PCDH9: variants seen among roughly 807,000 people sequenced by gnomAD.
The protein encoded by PCDH9 is protocadherin 9.
Under a neutral mutation model 70.6 loss-of-function variants are expected in PCDH9, and 24 were observed. The observed-to-expected ratio is 0.34, with a 90% CI of 0.25 to 0.48. PCDH9 has a LOEUF of 0.48. Among genes scored for constraint, PCDH9 ranks in the 20% least tolerant of loss-of-function variants. The probability of loss-of-function intolerance (pLI) is 0.99; values close to 1 mark genes in which losing one functional copy is unlikely to be tolerated. For synonymous variants in PCDH9, 562 were observed against 558.5 expected, an observed-to-expected ratio of 1.01 and a Z score of -0.09; for missense variants, 1,281 against 1,503.6, an observed-to-expected ratio of 0.85 and a Z score of 2.45.
chr13:66,979,744 C>A (rs1304189061), intron 2 of PCDH9, among the ~76,000 whole-genome samples: 2 of 152,110 alleles, frequency 1.3e-5, no homozygotes, highest in African/African-American at 2.4e-5. Flanking sequence ...CTAAGACCAC[C>A]AATAACCTCT....
chr13:66,816,580 CAGG>C (rs1214963578), intron 3 of PCDH9, among the ~76,000 whole-genome samples: 1 of 152,260 alleles, frequency 6.6e-6, no homozygotes, highest in East Asian at 1.9e-4. Context: ...CTGAAGACAG[CAGG>C]AGGATAAATT....
At chr13:67,219,771 A>G (rs1178149248) in intron 2 of PCDH9, 1 of 152,062 alleles carries the variant, frequency 6.6e-6, no homozygotes, top group Non-Finnish European at 1.5e-5. Flanking sequence ...ATCTGCATTA[A>G]CTAATTTGTA....
At chr13:66,828,672 T>C (rs1418243841) in intron 3 of PCDH9, among the ~76,000 whole-genome samples, 3 of 152,066 alleles carry the variant, frequency 2.0e-5, no homozygotes, top group South Asian at 2.1e-4. Context: ...TAAATATTAA[T>C]ATATTAAGAA....
intron 2 of PCDH9, among the ~76,000 whole-genome samples, chr13:66,918,381 A>C (rs2082589260): frequency 6.6e-6 from 1 of 151,252 alleles, no homozygotes; most frequent in Non-Finnish European, 1.5e-5. Context: ...TTTGCTTCTT[A>C]TAACCAGAAG....
chr13:66,629,363 A>T (rs1373628940), intron 4 of PCDH9, among the ~76,000 whole-genome samples: 4 of 152,228 alleles, frequency 2.6e-5, no homozygotes, highest in African/African-American at 9.6e-5. Flanking sequence ...TGAGACTCTT[A>T]GCTTTACTTC....
intron 4 of PCDH9, among the ~76,000 whole-genome samples, chr13:66,513,194 G>GTT (rs34958236): frequency 0.12 from 16,545 of 136,480 alleles, 1,113 homozygotes; most frequent in African/African-American, 0.14. Context: ...AATAACACGT[G>GTT]TTTTTTTTTT....
chr13:66,320,901 T>A (rs1222694627), intron 4 of PCDH9, among the ~76,000 whole-genome samples: 1 of 152,032 alleles, frequency 6.6e-6, no homozygotes, highest in African/African-American at 2.4e-5. Context: ...CACGTATAGC[T>A]TTCATGTTCT....
chr13:67,187,331 G>C (rs2088784545), intron 2 of PCDH9, among the ~76,000 whole-genome samples: 1 of 152,070 alleles, frequency 6.6e-6, no homozygotes, highest in South Asian at 2.1e-4. Context: ...GAACCTCTAG[G>C]GATAGAGGAA....
chr13:66,704,566 G>A (rs903828620), intron 3 of PCDH9, among the ~76,000 whole-genome samples: 6 of 152,156 alleles, frequency 3.9e-5, no homozygotes, highest in African/African-American at 1.4e-4. Context: ...AAAAGGTGGT[G>A]AAGAAGAGAG....
At chr13:66,703,685 A>G (rs1484057049) in intron 3 of PCDH9, among the ~76,000 whole-genome samples, 1 of 152,108 alleles carries the variant, frequency 6.6e-6, no homozygotes, top group Admixed American at 6.5e-5. Flanking sequence ...GCTTGAGCCC[A>G]GGAACTAGAA....
chr13:66,452,171 G>C (rs947776350), intron 4 of PCDH9, among the ~76,000 whole-genome samples: 1 of 152,130 alleles, frequency 6.6e-6, no homozygotes, highest in African/African-American at 2.4e-5. Context: ...GAAGCATGTA[G>C]GTAAATACTG....
intron 3 of PCDH9, among the ~76,000 whole-genome samples, chr13:66,896,482 T>C (rs961252306): frequency 2.6e-5 from 4 of 152,192 alleles, no homozygotes; most frequent in Admixed American, 6.6e-5. Flanking sequence ...ATATGTAAAA[T>C]TGGATATTAA....
chr13:66,709,154 T>G (rs1173634565), intron 3 of PCDH9, among the ~76,000 whole-genome samples: 1 of 152,120 alleles, frequency 6.6e-6, no homozygotes, highest in African/African-American at 2.4e-5. Context: ...TTTTTCCAAT[T>G]CACTGGAAAA....
intron 4 of PCDH9, among the ~76,000 whole-genome samples, chr13:66,559,110 G>A (rs1961875668): frequency 6.6e-6 from 1 of 152,104 alleles, no homozygotes; most frequent in Admixed American, 6.5e-5. Context: ...TCCTTAGCAA[G>A]AATTACCTTC....
chr13:66,823,544 T>C (rs1411585487), intron 3 of PCDH9, among the ~76,000 whole-genome samples: 4 of 152,066 alleles, frequency 2.6e-5, no homozygotes, highest in Admixed American at 1.3e-4. Context: ...GTTTTAAAAG[T>C]AGACATTTCA....
chr13:67,147,227 G>A (rs1234720512), intron 2 of PCDH9, among the ~76,000 whole-genome samples: 1 of 152,078 alleles, frequency 6.6e-6, no homozygotes, highest in Non-Finnish European at 1.5e-5. Context: ...TAGGATGCTA[G>A]GATGCTTAAA....
At chr13:66,370,835 T>C (rs1286549911) in intron 4 of PCDH9, among the ~76,000 whole-genome samples, 1 of 152,116 alleles carries the variant, frequency 6.6e-6, no homozygotes. Context: ...TAGTCTTGAA[T>C]AAACTCTTCC....
At chr13:66,623,356 T>C (rs920925813) in intron 4 of PCDH9, among the ~76,000 whole-genome samples, 3 of 152,254 alleles carry the variant, frequency 2.0e-5, no homozygotes, top group African/African-American at 7.2e-5. Flanking sequence ...AAGGATGTTT[T>C]TCTGAATAGC....
intron 4 of PCDH9, among the ~76,000 whole-genome samples, chr13:66,321,081 C>T (rs1052428487): frequency 6.6e-6 from 1 of 151,946 alleles, no homozygotes; most frequent in Admixed American, 6.6e-5. Context: ...ATATACCAGG[C>T]CTTGCTACAC....
Sources: gnomAD v4.1 joint callset for allele counts (sites outside exome capture counted in the v4.1 genomes callset) on GRCh38, gnomAD v4.1.1 for gene constraint, MANE v1.5 for transcripts, NCBI Gene and HGNC (gene_info 2026-07-23, HGNC 2026-07-21) for gene names.